Variants in CCDC18 observed in about 807,000 individuals in gnomAD.
CCDC18 encodes the protein coiled-coil domain-containing protein 18.
CCDC18 carries 157 observed loss-of-function variants against 196.0 expected under a neutral mutation model. The observed-to-expected ratio is 0.80, with a 90% CI of 0.70 to 0.91. The LOEUF (loss-of-function observed/expected upper bound fraction) is 0.91, where lower values mean the gene tolerates loss of function less well. Ranked by LOEUF, CCDC18 falls within the 40% of genes least tolerant of loss-of-function variation. The pLI, the probability that CCDC18 is intolerant of heterozygous loss-of-function variation, is 0.00. For synonymous variants in CCDC18, 482 were observed against 529.2 expected (o/e 0.91, Z 1.22); for missense variants, 1,465 against 1,611.6 (o/e 0.91, Z 1.56).
chr1:93,240,998 C>CAGTGGAGTG (rs1185041317), intron 21 of CCDC18, among the ~76,000 whole-genome samples: 2 of 152,092 alleles, frequency 1.3e-5, no homozygotes, highest in African/African-American at 2.4e-5. Flanking sequence ...CAGATTCTTG[C>CAGTGGAGTG]CCAGGTTGGA....
intron 28 of CCDC18, chr1:93,271,627 G>A (rs1253746373): frequency 1.2e-6 from 1 of 827,862 alleles, no homozygotes; most frequent in African/African-American, 1.9e-5. Context: ...TTGAGCCCAG[G>A]AGTTTGAGAC....
In CCDC18 at chr1:93,239,376, C is replaced by A; in HGVS notation, c.2670C>A (p.His890Gln). 1 of 1,612,984 alleles carries A rather than the reference C, an allele frequency of 6.2e-7. No homozygotes were observed. The highest frequency in any genetic ancestry group is 2.2e-5 in the East Asian group (1 of 44,762). Reference protein sequence around the residue: ...ELSKMEKEIMHLKRDGENKAM... With the variant: ...ELSKMEKEIMQLKRDGENKAM... ...CTAAAATGGAAAAGGAAATAATGCA[C>A]CTAAAACGAGATGGAGAAAATAAAG... is the stretch of plus-strand genomic sequence containing the variant. Residue 890 changes from histidine (H) to glutamine (Q), a missense_variant, in exon 20 of 29, where the codon CAC (histidine) becomes CAA (glutamine). Transcript: ENST00000690025.
chr1:93,194,574 A>G (rs1305980827), intron 6 of CCDC18, among the ~76,000 whole-genome samples: 1 of 152,224 alleles, frequency 6.6e-6, no homozygotes, highest in Non-Finnish European at 1.5e-5. Context: ...TCTGTTAAAT[A>G]AAGATGATAT....
intron 26 of CCDC18, among the ~76,000 whole-genome samples, chr1:93,261,556 C>T (rs898107111): frequency 4.8e-4 from 73 of 152,142 alleles, no homozygotes; most frequent in South Asian, 1.2e-3. Flanking sequence ...AAGCACAGTG[C>T]TTTCAAAGAG....
At position 93,229,902 on chromosome 1, in the gene CCDC18, A is replaced by G. The variant is rs372725067; in HGVS notation, c.2293-2524A>G. ...GACTAAGCCTAAATGTTTTCTGCAT[A>G]AAGATTTTATTCAATAAAATCAGTC... On this transcript the variant is annotated intron_variant, in intron 17 of 28. Transcript: ENST00000690025. 2.6e-4 allele frequency among the ~76,000 whole-genome samples: 40 copies of G among 152,320 alleles called. 1 individual carries two copies. In the South Asian group the frequency reaches 8.1e-3, roughly 31 times the overall value.
At chr1:93,201,847 C>G (rs1415086231) in intron 6 of CCDC18, 45 bp from the exon 7 acceptor site, 2 of 1,224,016 alleles carry the variant, frequency 1.6e-6, no homozygotes, top group South Asian at 3.0e-5. Context: ...TCTTCAAATG[C>G]AGAGCATTCT....
intron 16 of CCDC18, among the ~76,000 whole-genome samples, chr1:93,223,900 TACACACACACACACACACACAC>T (rs60165485): frequency 1.4e-5 from 2 of 141,296 alleles, no homozygotes; most frequent in Non-Finnish European, 3.1e-5. Context: ...CATTTATTTA[TACACACACACACACACACACAC>T]ACACACACAC....
intron 19 of CCDC18, among the ~76,000 whole-genome samples, chr1:93,237,944 G>A (rs1487933370): frequency 2.0e-5 from 3 of 152,070 alleles, no homozygotes; most frequent in Non-Finnish European, 2.9e-5. Context: ...TTTCTAAAAT[G>A]TATATTTTCT....
Position 93,246,907 on chromosome 1 carries a change from G to A in CCDC18, c.3151G>A (p.Gly1051Ser), listed in dbSNP as rs1396693127. The change falls in exon 23 of 29, where the codon GGT (glycine) becomes AGT (serine). Residue 1051 changes from glycine to serine, a missense_variant. Coordinates refer to ENST00000690025, the MANE Select transcript of CCDC18 (RefSeq NM_001378204.1). Reference protein sequence around the residue: ...EMEQKIIKLEGTLEKSELELK... With the variant: ...EMEQKIIKLESTLEKSELELK... ...GGAACAAAAAATAATTAAATTAGAAGGTACTCTGGAGAAATCAGAATTGGA... is the reference window on the plus strand; with the variant it reads ...GGAACAAAAAATAATTAAATTAGAAAGTACTCTGGAGAAATCAGAATTGGA... 6.6e-7 allele frequency: 1 copy of A among 1,524,996 alleles called. No homozygotes were observed. The highest frequency in any genetic ancestry group is 1.9e-5 in the Admixed American group (1 of 52,972). The allele number at this position is 1,524,996 out of a possible 1,614,324, so 94.5% of individuals were successfully genotyped here.
In CCDC18 at chr1:93,226,375, C is replaced by A; in HGVS notation, c.2218C>A (p.Leu740Ile). The part of the protein sequence containing the change: ...DSALEICKEE[L>I]VLHLNQLEGN... Reference sequence around the variant, plus strand: ...AGCATTGGAAATTTGTAAGGAAGAACTTGTCTTGCATTTGAATCAATTGGA... The same window carrying A: ...AGCATTGGAAATTTGTAAGGAAGAAATTGTCTTGCATTTGAATCAATTGGA... Residue 740 changes from leucine (L) to isoleucine (I), a missense_variant, in exon 17 of 29, where the codon CTT becomes ATT. Leu to Ile is a conservative substitution (Grantham distance 5). Coordinates refer to ENST00000690025, the MANE Select transcript of CCDC18 (RefSeq NM_001378204.1). The A allele has an allele frequency of 6.4e-7, 1 of 1,568,454 alleles. No homozygotes were observed. Among genetic ancestry groups the A allele is most frequent in the Non-Finnish European group, 8.6e-7 (1 of 1,158,148 alleles).
intron 5 of CCDC18, 73 bp downstream of exon 5, chr1:93,192,179 G>C: frequency 2.0e-6 from 2 of 1,003,624 alleles, no homozygotes; most frequent in Non-Finnish European, 1.5e-6. Flanking sequence ...GTTAAATCTT[G>C]TTCCCCACAC....
At chr1:93,262,192 G>A (rs1663899318) in intron 26 of CCDC18, 1 of 152,136 alleles carries the variant, frequency 6.6e-6, no homozygotes, top group African/African-American at 2.4e-5. Flanking sequence ...GGGACACAGA[G>A]CCAAGCCATA....
chr1:93,183,758 G>T (rs148539090), intron 2 of CCDC18, among the ~76,000 whole-genome samples: 3 of 151,732 alleles, frequency 2.0e-5, no homozygotes, highest in Non-Finnish European at 4.4e-5. Flanking sequence ...TGATTTTTTT[G>T]AATCTTAAGT....
intron 21 of CCDC18, among the ~76,000 whole-genome samples, chr1:93,241,775 T>C (rs1345327373): frequency 1.3e-5 from 2 of 150,212 alleles, no homozygotes; most frequent in Non-Finnish European, 2.9e-5. Context: ...TACTTAAACC[T>C]TCTAATGGCT....
At chr1:93,246,373 T>G (rs1042830282) in intron 22 of CCDC18, among the ~76,000 whole-genome samples, 169 bp downstream of exon 22, 1 of 152,178 alleles carries the variant, frequency 6.6e-6, no homozygotes, top group African/African-American at 2.4e-5. Flanking sequence ...ATCTTGATAT[T>G]TTTCTAGCAA....
At position 93,197,993 on chromosome 1, in the gene CCDC18, C is replaced by T. The variant is rs551390109; in HGVS notation, c.699-3899C>T. 3.7e-4 allele frequency among the ~76,000 whole-genome samples: 56 copies of T among 151,968 alleles called. 1 individual carries two copies. The highest frequency in any genetic ancestry group is 1.2e-3 in the African/African-American group (50 of 41,452). The stretch of plus-strand genomic sequence containing the variant: ...ATCTCAATCTCCTGACCTCGTGATC[C>T]GCCCGCCTTGGCCTCCCAAAGTGCT... On this transcript the variant is annotated intron_variant, in intron 6 of 28. Coordinates refer to ENST00000690025, the MANE Select transcript of CCDC18 (RefSeq NM_001378204.1).
intron 21 of CCDC18, among the ~76,000 whole-genome samples, chr1:93,241,245 G>C (rs1388453514): frequency 4.0e-5 from 6 of 151,826 alleles, no homozygotes; most frequent in Non-Finnish European, 7.4e-5. Context: ...ATGAGCCACT[G>C]CACCCAGCCC....
Position 93,239,878 on chromosome 1 carries a change from A to T in CCDC18, c.2963A>T (p.Asp988Val). 1 of 1,604,340 alleles carries T rather than the reference A, an allele frequency of 6.2e-7. No homozygotes were observed. Among genetic ancestry groups the T allele is most frequent in the African/African-American group, 1.3e-5 (1 of 74,768 alleles). Residue 988 changes from aspartate (D) to valine (V), a missense_variant, in exon 21 of 29, where the codon GAT (aspartate) becomes GTT (valine). Coordinates refer to ENST00000690025, the MANE Select transcript of CCDC18 (RefSeq NM_001378204.1). Reference protein sequence around the residue: ...SLEEKYTTIKDLTAELRECKM... With the variant: ...SLEEKYTTIKVLTAELRECKM... Reference sequence around the variant, plus strand: ...GAGGAAAAATACACTACTATAAAGGATCTCACAGCTGAACTTAGGTGAGTT... The same window carrying T: ...GAGGAAAAATACACTACTATAAAGGTTCTCACAGCTGAACTTAGGTGAGTT...
intron 4 of CCDC18, chr1:93,191,155 G>T (rs540378197): frequency 1.9e-5 from 9 of 468,982 alleles, no homozygotes; most frequent in Non-Finnish European, 3.5e-5. Context: ...TCACCTGTGG[G>T]ATAACCCAAA....
Sources: gnomAD v4.1 joint callset for allele counts (sites outside exome capture counted in the v4.1 genomes callset) on GRCh38, gnomAD v4.1.1 for gene constraint, MANE v1.5 for transcripts, NCBI Gene and HGNC (gene_info 2026-07-23, HGNC 2026-07-21) for gene names.